SREK1IP1: variants seen among roughly 807,000 people sequenced by gnomAD.
SREK1IP1 encodes SREK1 interacting protein 1, also known as protein SREK1IP1.
In SREK1IP1, 12 loss-of-function variants were observed where a neutral mutation model predicts 22.8. The observed-to-expected ratio is 0.53, with a 90% CI of 0.34 to 0.85. The LOEUF (loss-of-function observed/expected upper bound fraction) is 0.85. Among genes scored for constraint, SREK1IP1 ranks in the 40% least tolerant of loss-of-function variants. The probability of loss-of-function intolerance (pLI) is 0.02; values close to 1 mark genes in which losing one functional copy is unlikely to be tolerated. For synonymous variants in SREK1IP1, 53 were observed against 52.7 expected (o/e 1.01, Z -0.02); for missense variants, 147 against 171.8 (o/e 0.86, Z 0.81).
intron 2 of SREK1IP1, among the ~76,000 whole-genome samples, chr5:64,742,249 A>C (rs1742564450): frequency 6.6e-6 from 1 of 152,154 alleles, no homozygotes; most frequent in African/African-American, 2.4e-5. Flanking sequence ...GGTTGCTTCC[A>C]GTAGTTTGCT....
rs543861907 is a variant in SREK1IP1, at chr5:64,718,289, A to G, written c.*6095T>C. Reference sequence around the variant, plus strand: ...TCAGGAGAAATTAAATAATTTATCAATAACAAGATAAGCAGTCCTATCTCA... The same window carrying G: ...TCAGGAGAAATTAAATAATTTATCAGTAACAAGATAAGCAGTCCTATCTCA... On this transcript the variant is annotated 3_prime_UTR_variant, in exon 5 of 5. Coordinates refer to ENST00000513458, the MANE Select transcript of SREK1IP1 (RefSeq NM_173829.4). 3.4e-6 allele frequency: 1 copy of G among 296,918 alleles called. No individual in the cohort carries two copies. The highest frequency in any genetic ancestry group is 7.7e-5 in the East Asian group (1 of 13,024). The allele number at this position is 296,918 out of a possible 1,614,324, so 18.4% of individuals were successfully genotyped here.
chr5:64,738,160 T>C (rs1287674934), intron 3 of SREK1IP1, among the ~76,000 whole-genome samples: 1 of 152,138 alleles, frequency 6.6e-6, no homozygotes, highest in Non-Finnish European at 1.5e-5. Context: ...TGAACATATA[T>C]GCAACAATCT....
intron 3 of SREK1IP1, among the ~76,000 whole-genome samples, chr5:64,730,099 G>A (rs1418853626): frequency 6.6e-6 from 1 of 152,160 alleles, no homozygotes; most frequent in African/African-American, 2.4e-5. Flanking sequence ...TTTACGGGCT[G>A]AGAAGAGCAA....
chr5:64,736,260 G>GTA (rs1742460627), intron 3 of SREK1IP1, among the ~76,000 whole-genome samples: 1 of 152,054 alleles, frequency 6.6e-6, no homozygotes, highest in African/African-American at 2.4e-5. Flanking sequence ...TTACATAAAG[G>GTA]TTAAATAGGT....
At chr5:64,742,144 T>C (rs1012539608) in intron 2 of SREK1IP1, among the ~76,000 whole-genome samples, 1 of 151,450 alleles carries the variant, frequency 6.6e-6, no homozygotes, top group Non-Finnish European at 1.5e-5. Flanking sequence ...TTATCTATGT[T>C]AACATAACAG....
At chr5:64,745,049 T>C (rs1742610407) in intron 2 of SREK1IP1, among the ~76,000 whole-genome samples, 1 of 152,186 alleles carries the variant, frequency 6.6e-6, no homozygotes, top group Non-Finnish European at 1.5e-5. Flanking sequence ...AAAGTGTCAC[T>C]CCACAGCTCT....
intron 2 of SREK1IP1, among the ~76,000 whole-genome samples, chr5:64,751,099 G>A (rs1742731691): frequency 6.6e-6 from 1 of 152,080 alleles, no homozygotes; most frequent in African/African-American, 2.4e-5. Context: ...ATCTTGCTAA[G>A]GGAAGCAAAG....
intron 2 of SREK1IP1, among the ~76,000 whole-genome samples, chr5:64,746,594 C>T (rs1653033402): frequency 6.6e-6 from 1 of 152,116 alleles, no homozygotes; most frequent in Admixed American, 6.6e-5. Flanking sequence ...TACTTAACAT[C>T]ATTAGTCATT....
intron 1 of SREK1IP1, 111 bp downstream of exon 1, chr5:64,768,394 G>A: frequency 7.3e-7 from 1 of 1,376,952 alleles, no homozygotes; most frequent in Non-Finnish European, 1.0e-6. Context: ...GAATTTTAAG[G>A]CCTCCGCCTA....
rs1182546950 is a variant in SREK1IP1 at position 64,723,964 on chromosome 5, C to A, written c.*420G>T. ...CTATTAAATTTCTCTGTGTCAAGAGCAAAACATTACCCCTTACCTTGCTTC... is the reference window on the plus strand; with the variant it reads ...CTATTAAATTTCTCTGTGTCAAGAGAAAAACATTACCCCTTACCTTGCTTC... On this transcript the variant is annotated 3_prime_UTR_variant, in exon 5 of 5. Transcript: ENST00000513458. 6.5e-6 allele frequency: 1 copy of A among 154,184 alleles called. No individual in the cohort carries two copies. The allele number at this position is 154,184 out of a possible 1,614,324, so 9.6% of individuals were successfully genotyped here. A position where few individuals can be genotyped will look rare whatever the true frequency, so the allele number is the denominator to read the frequency against.
intron 1 of SREK1IP1, among the ~76,000 whole-genome samples, chr5:64,755,360 T>C (rs1266796316): frequency 1.3e-5 from 2 of 152,162 alleles, no homozygotes; most frequent in Non-Finnish European, 2.9e-5. Flanking sequence ...ATATACACTA[T>C]GGAATACTAT....
At chr5:64,746,821 C>G (rs1462163801) in intron 2 of SREK1IP1, among the ~76,000 whole-genome samples, 1 of 152,144 alleles carries the variant, frequency 6.6e-6, no homozygotes, top group African/African-American at 2.4e-5. Context: ...CTCAGACCCA[C>G]AAGACTATTC....
At chr5:64,756,003 A>G (rs1742834375) in intron 1 of SREK1IP1, among the ~76,000 whole-genome samples, 1 of 152,090 alleles carries the variant, frequency 6.6e-6, no homozygotes, top group Non-Finnish European at 1.5e-5. Context: ...TCAACACTCA[A>G]ATTTTGACAA....
intron 1 of SREK1IP1, among the ~76,000 whole-genome samples, chr5:64,768,202 C>A (rs1743091061): frequency 6.6e-6 from 1 of 152,116 alleles, no homozygotes; most frequent in East Asian, 1.9e-4. Context: ...TAGTTTTTCT[C>A]GGCCGCTTGC....
chr5:64,751,244 C>T (rs900666663), intron 2 of SREK1IP1, among the ~76,000 whole-genome samples: 3 of 152,156 alleles, frequency 2.0e-5, no homozygotes, highest in Admixed American at 2.0e-4. Context: ...CCATATTTTC[C>T]CGGTCACTTT....
chr5:64,761,439 C>T (rs946252443), intron 1 of SREK1IP1, among the ~76,000 whole-genome samples: 1 of 152,174 alleles, frequency 6.6e-6, no homozygotes, highest in Non-Finnish European at 1.5e-5. Flanking sequence ...GTGGCAACAT[C>T]ATGGTGTACA....
At chr5:64,725,126 C>A (rs899009869) in intron 4 of SREK1IP1, among the ~76,000 whole-genome samples, 3 of 152,036 alleles carry the variant, frequency 2.0e-5, no homozygotes, top group Non-Finnish European at 4.4e-5. Flanking sequence ...TGAATACTTG[C>A]ATTACAAAAT....
In SREK1IP1 at chr5:64,718,212, A is replaced by G. The variant is rs1479222278; in HGVS notation, c.*6172T>C. ...GTTTTATTGGTTTTCCTTTGTATAA[A>G]TTTATTTGCTAATTAAGATGTTTCT... On this transcript the variant is annotated 3_prime_UTR_variant, in exon 5 of 5. Transcript: ENST00000513458. The G allele has an allele frequency of 1.1e-5, 5 of 459,494 alleles. No individual in the cohort carries two copies. The highest frequency in any genetic ancestry group is 8.2e-5 in the African/African-American group (4 of 48,794). 28.5% of individuals were successfully genotyped at this position (459,494 alleles called of 1,614,324 possible). A position where few individuals can be genotyped will look rare whatever the true frequency, so the allele number is the denominator to read the frequency against.
rs1742228154 is a variant in SREK1IP1 at position 64,724,446 on chromosome 5, T to A, written c.406A>T (p.Lys136Ter). The A allele has an allele frequency of 3.1e-6, 5 of 1,588,720 alleles. No individual in the cohort carries two copies. In the East Asian group the frequency reaches 1.1e-4, roughly 36 times the overall value. ...GAATGCTTTTCCTTTTTTCTCTTCT[T>A]TTTTTCCTTTTTGTGATGTTTCCCT... ...KKGKHHKKEK[K>*]KRKKEKHSST... Residue 136 changes from lysine (K) to a stop codon, truncating the protein, a stop_gained, in exon 5 of 5, where the codon AAG (lysine) becomes TAG (stop). Transcript: ENST00000513458. LOFTEE classifies it high-confidence loss of function.
Sources: gnomAD v4.1 joint callset for allele counts (sites outside exome capture counted in the v4.1 genomes callset) on GRCh38, gnomAD v4.1.1 for gene constraint, MANE v1.5 for transcripts, NCBI Gene and HGNC (gene_info 2026-07-23, HGNC 2026-07-21) for gene names.